The following ABCA3 variants were observed in gnomAD, a reference collection of about 807,000 sequenced individuals.
The protein encoded by ABCA3 is ATP binding cassette subfamily A member 3.
ABCA3 carries 88 observed loss-of-function variants against 172.8 expected under a neutral mutation model. The observed-to-expected ratio is 0.51, with a 90% CI of 0.43 to 0.61. The LOEUF is 0.61. ABCA3 is among the 20% of genes least tolerant of loss of function. The pLI, the probability that ABCA3 is intolerant of heterozygous loss-of-function variation, is 0.00. For synonymous variants in ABCA3, 1,066 were observed against 983.8 expected, an observed-to-expected ratio of 1.08 and a Z score of -1.56; for missense variants, 2,164 against 2,301.0, an observed-to-expected ratio of 0.94 and a Z score of 1.22.
chr16:2,323,636 T>C lies in ABCA3; in HGVS notation c.500A>G (p.Gln167Arg). ...SYTRRNYMWT[Q>R]TGSFFLKETE... ...CTCTTTCAGGAAAAAGGAGCCTGTT[T>C]GGGTCCACATGTAATTTCTCCGTGT... The change falls in exon 7 of 33, where the codon CAA becomes CGA. Residue 167 changes from glutamine to arginine, a missense_variant. By Grantham distance (43) the Gln-to-Arg change is conservative (BLOSUM62 1). Around this residue, in one of 3 missense-constraint regions of ABCA3, gnomAD observed 1,343 missense variants for 1,369.6 expected, o/e 0.98. Coordinates refer to ENST00000301732, the MANE Select transcript of ABCA3 (RefSeq NM_001089.3). 6.2e-7 allele frequency: 1 copy of C among 1,614,162 alleles called. No homozygotes were observed. The highest frequency in any genetic ancestry group is 8.5e-7 in the Non-Finnish European group (1 of 1,180,032).
chr16:2,295,889 C>T (rs2093679037), intron 17 of ABCA3, 149 bp from the exon 18 acceptor site: 1 of 1,066,358 alleles, frequency 9.4e-7, no homozygotes, highest in South Asian at 1.3e-5. Context: ...ATGAATGTGT[C>T]TTGGAGCTCC....
In ABCA3 at chr16:2,294,103, T is replaced by A. The variant is rs530969025; in HGVS notation, c.2414+1487A>T. ...GGTGTGATTTCGGCTCACTGCAACC[T>A]CTGCTCCTGGGTTCAGTGATTCTCC... On this transcript the variant is annotated intron_variant, in intron 18 of 32. Transcript: ENST00000301732. Among the ~76,000 whole-genome samples, 13 of 151,276 alleles carry A rather than the reference T, an allele frequency of 8.6e-5. No homozygotes were observed. The East Asian group carries it at 1.8e-3, about 21-fold the overall frequency.
At chr16:2,338,138 C>T (rs1369213609) in intron 1 of ABCA3, among the ~76,000 whole-genome samples, 4 of 152,160 alleles carry the variant, frequency 2.6e-5, no homozygotes, top group Admixed American at 2.6e-4. Context: ...CATGGATGTT[C>T]TCCAACAAGC....
At chr16:2,325,974 A>T (rs1282168306) in intron 5 of ABCA3, 36 bp downstream of exon 5, 2 of 1,610,936 alleles carry the variant, frequency 1.2e-6, no homozygotes, top group African/African-American at 2.7e-5. Context: ...TGGAGGCACC[A>T]CTAGGCCTGG....
intron 12 of ABCA3, among the ~76,000 whole-genome samples, chr16:2,300,567 T>C (rs111920374): frequency 6.6e-6 from 1 of 152,168 alleles, no homozygotes; most frequent in Non-Finnish European, 1.5e-5. Context: ...TTCATGACTG[T>C]AAGCAAGAGA....
intron 10 of ABCA3, among the ~76,000 whole-genome samples, chr16:2,315,076 G>A (rs1268733686): frequency 6.6e-6 from 1 of 151,174 alleles, no homozygotes; most frequent in Non-Finnish European, 1.5e-5. Flanking sequence ...GTAGAGACGA[G>A]GTTTCACTGT....
At position 2,284,357 on chromosome 16, in the gene ABCA3, T is replaced by C. The variant is rs35089233; in HGVS notation, c.3784A>G (p.Ser1262Gly). 2.0e-3 allele frequency: 3,199 copies of C among 1,614,030 alleles called. 11 individuals carry two copies. The highest frequency in any genetic ancestry group is 2.5e-3 in the Non-Finnish European group (2,940 of 1,180,008). The stretch of plus-strand genomic sequence containing the variant: ...GTCTCGTAGTTCTCGTAGAAACTGC[T>C]GACTGCCATCCCCAGACAGTGGTTG... Reference protein sequence around the residue: ...LPNHCLGMAVSSFYENYETRR... With the variant: ...LPNHCLGMAVGSFYENYETRR... The change falls in exon 25 of 33, where the codon AGC becomes GGC. Residue 1262 changes from serine to glycine, a missense_variant. Physicochemically the swap from Ser to Gly is moderately conservative, Grantham distance 56 (BLOSUM62 0). This residue lies in a region of ABCA3 where 795 missense variants were observed against 881.9 expected (regional missense o/e 0.90). Transcript: ENST00000301732. This position sits in a 1 kb window ranked among gnomAD's most constrained non-coding sequence, Gnocchi z 5.9.
chr16:2,326,811 A>T (rs2093735184), intron 3 of ABCA3, among the ~76,000 whole-genome samples: 1 of 152,166 alleles, frequency 6.6e-6, no homozygotes, highest in Non-Finnish European at 1.5e-5. Context: ...AACATGGTGA[A>T]ACCCCGTCTC....
chr16:2,284,130 T>C lies in ABCA3; in HGVS notation c.3862+149A>G. On this transcript the variant is annotated intron_variant, in intron 25 of 32. Transcript: ENST00000301732. The surrounding 1 kb of genome is among the most constrained non-coding windows in gnomAD (Gnocchi z 5.9). The stretch of plus-strand genomic sequence containing the variant: ...GAGCGAGCGGGCGCGAGGGGGCTGC[T>C]GTGGGAGGTGGGGCAAGGCGGTACA... 4.0e-6 allele frequency: 4 copies of C among 1,011,128 alleles called. No individual in the cohort carries two copies. Among genetic ancestry groups the C allele is most frequent in the Non-Finnish European group, 5.6e-6 (4 of 710,996 alleles). The allele number at this position is 1,011,128 out of a possible 1,614,324, so 62.6% of individuals were successfully genotyped here. A position where few individuals can be genotyped will look rare whatever the true frequency, so the allele number is the denominator to read the frequency against.
rs1244704465 is a variant in ABCA3, at chr16:2,277,092, CT to C, written c.4984-288del. Among the ~76,000 whole-genome samples the C allele has an allele frequency of 1.3e-5, 2 of 152,130 alleles. No individual in the cohort carries two copies. The highest frequency in any genetic ancestry group is 2.9e-5 in the Non-Finnish European group (2 of 68,024). On this transcript the variant is annotated intron_variant, in intron 32 of 32. Transcript: ENST00000301732. This position sits in a 1 kb window ranked among gnomAD's most constrained non-coding sequence, Gnocchi z 5.3. ...GTGATGTTCCCTTTCTGAGCCAGTT[CT>C]TTTTTTCCCCCATATTTTTTTAGAG...
At position 2,276,532 on chromosome 16, in the gene ABCA3, C is replaced by T. The variant is rs2093646639; in HGVS notation, c.*142G>A. ...CTGGGCTGCACTCGTCCATTCTGTG[C>T]ATACTGCCTTGAATTTTTCATATCC... On this transcript the variant is annotated 3_prime_UTR_variant, in exon 33 of 33. Coordinates refer to ENST00000301732, the MANE Select transcript of ABCA3 (RefSeq NM_001089.3). 1 of 1,379,498 alleles carries T rather than the reference C, an allele frequency of 7.2e-7. No individual in the cohort carries two copies. Among genetic ancestry groups the T allele is most frequent in the Non-Finnish European group, 9.8e-7 (1 of 1,016,846 alleles). The allele number at this position is 1,379,498 out of a possible 1,614,324, so 85.5% of individuals were successfully genotyped here. A position where few individuals can be genotyped will look rare whatever the true frequency, so the allele number is the denominator to read the frequency against.
chr16:2,318,547 C>G (rs1449102561), intron 8 of ABCA3, among the ~76,000 whole-genome samples: 1 of 150,590 alleles, frequency 6.6e-6, no homozygotes, highest in East Asian at 1.9e-4. Flanking sequence ...GAGTCTTGCT[C>G]TGCTGCCCAG....
At chr16:2,333,560 C>T (rs771101000) in intron 1 of ABCA3, among the ~76,000 whole-genome samples, 4 of 152,116 alleles carry the variant, frequency 2.6e-5, no homozygotes, top group Non-Finnish European at 4.4e-5. Context: ...TAATGGAGGC[C>T]GGTAGAATCC....
Position 2,277,459 on chromosome 16 carries a change from A to G in ABCA3, c.4983+138T>C, listed in dbSNP as rs2093648248. 5.6e-6 allele frequency: 5 copies of G among 897,294 alleles called. No homozygotes were observed. In the East Asian group the frequency reaches 1.3e-4, roughly 24 times the overall value. The allele number at this position is 897,294 out of a possible 1,614,324, so 55.6% of individuals were successfully genotyped here. ...ATATAAAACCCCCAAACCAGCACGT[A>G]TCAGGCTGAGTGTTAGGGGAGAAAT... On this transcript the variant is annotated intron_variant, in intron 32 of 32. Transcript: ENST00000301732. This position sits in a 1 kb window ranked among gnomAD's most constrained non-coding sequence, Gnocchi z 5.3.
rs747457084 is a variant in ABCA3 at position 2,319,700 on chromosome 16, C to T, written c.754G>A (p.Ala252Thr). ...IKRFPYPPFI[A>T]DPFLVAIQYQ... is the part of the protein sequence containing the mutation. ...TGGATGGCCACGAGGAAGGGGTCTG[C>T]GATGAACGGCGGGTACGGGAACCTC... The change falls in exon 8 of 33, where the codon GCA becomes ACA. Residue 252 changes from alanine to threonine, a missense_variant. Ala to Thr is a moderately conservative substitution (Grantham distance 58). Coordinates refer to ENST00000301732, the MANE Select transcript of ABCA3 (RefSeq NM_001089.3). 5.3e-5 allele frequency: 85 copies of T among 1,613,724 alleles called. No homozygotes were observed. The highest frequency in any genetic ancestry group is 5.8e-5 in the Non-Finnish European group (68 of 1,180,002).
rs144138653 is a variant in ABCA3 at position 2,288,176 on chromosome 16, C to T, written c.2854G>A (p.Asp952Asn). 113 of 1,606,182 alleles carry T rather than the reference C, an allele frequency of 7.0e-5. 1 individual carries two copies. The African/African-American group carries it at 1.3e-3, about 18-fold the overall frequency. ...AAGGTCAGCCTCAGCATGGGGTCGT[C>T]GAAGAGCTCCGAGGAGTAGTTGATG... Reference protein sequence around the residue: ...LAINYSSELFDDPMLRLTLGE... With the variant: ...LAINYSSELFNDPMLRLTLGE... Residue 952 changes from aspartate to asparagine, a missense_variant, in exon 21 of 33, where the codon GAC (aspartate) becomes AAC (asparagine). By Grantham distance (23) the Asp-to-Asn change is conservative. This residue lies in a region of ABCA3 where 1,343 missense variants were observed against 1,369.6 expected (regional missense o/e 0.98). Coordinates refer to ENST00000301732, the MANE Select transcript of ABCA3 (RefSeq NM_001089.3).
At chr16:2,295,081 C>T (rs779533059) in intron 18 of ABCA3, among the ~76,000 whole-genome samples, 1 of 152,188 alleles carries the variant, frequency 6.6e-6, no homozygotes, top group African/African-American at 2.4e-5. Flanking sequence ...GTGCAATAAA[C>T]TGATATTATC....
At chr16:2,288,628 TC>T (rs1233263133) in intron 20 of ABCA3, among the ~76,000 whole-genome samples, 1 of 152,176 alleles carries the variant, frequency 6.6e-6, no homozygotes, top group Non-Finnish European at 1.5e-5. Flanking sequence ...TGATCTCAGC[TC>T]ACTGCAACCT....
Position 2,286,901 on chromosome 16 carries a change from A to C in ABCA3, c.3071T>G (p.Leu1024Arg). 6.2e-7 allele frequency: 1 copy of C among 1,614,058 alleles called. No individual in the cohort carries two copies. Among genetic ancestry groups the C allele is most frequent in the Non-Finnish European group, 8.5e-7 (1 of 1,180,020 alleles). The change falls in exon 22 of 33, where the codon CTT (leucine) becomes CGT (arginine). Residue 1024 changes from leucine (L) to arginine (R), a missense_variant. Physicochemically the swap from Leu to Arg is moderately radical, Grantham distance 102 (BLOSUM62 -2). This residue lies in a region of ABCA3 where 1,343 missense variants were observed against 1,369.6 expected (regional missense o/e 0.98). Coordinates refer to ENST00000301732, the MANE Select transcript of ABCA3 (RefSeq NM_001089.3). This position sits in a 1 kb window ranked among gnomAD's most constrained non-coding sequence, Gnocchi z 5.2. ...VEGGGFNERC[L>R]VAASFRDVGE... ...CACATCTCTGAAGGACGCTGCCACA[A>C]GGCACCGCTCATTAAAGCCGCCCCC... is the stretch of plus-strand genomic sequence containing the variant.
Sources: gnomAD v4.1 joint callset for allele counts (sites outside exome capture counted in the v4.1 genomes callset) on GRCh38, gnomAD v4.1.1 for gene constraint, gnomAD v4.1.1 regional missense constraint, Gnocchi (gnomAD v3.1) non-coding constraint, MANE v1.5 for transcripts, NCBI Gene and HGNC (gene_info 2026-07-23, HGNC 2026-07-21) for gene names.